C3orf49: variants seen among roughly 807,000 people sequenced by gnomAD.
C3orf49 encodes putative uncharacterized protein C3orf49.
Under a neutral mutation model 13.3 loss-of-function variants are expected in C3orf49, and 27 were observed. The observed-to-expected ratio is 2.02, with a 90% CI of 1.49 to 2.79. C3orf49 has a LOEUF of 2.79. Ranked by LOEUF, C3orf49 falls within the 30% of genes most tolerant of loss-of-function variation. The probability of loss-of-function intolerance (pLI) is 0.00; values close to 1 mark genes in which losing one functional copy is unlikely to be tolerated. For synonymous variants in C3orf49, 87 were observed against 47.6 expected, an observed-to-expected ratio of 1.83 and a Z score of -3.40; for missense variants, 242 against 134.2, an observed-to-expected ratio of 1.80 and a Z score of -3.97.
chr3:63,783,468 G>T, the C3orf49 span, among the ~76,000 whole-genome samples: 3 of 151,000 alleles, frequency 2.0e-5, no homozygotes, highest in Admixed American at 6.6e-5. Flanking sequence ...AGATCACAAG[G>T]TCAGGAGATT....
chr3:63,824,128 G>A (rs1701436580), intron 2 of C3orf49, among the ~76,000 whole-genome samples: 1 of 151,916 alleles, frequency 6.6e-6, no homozygotes, highest in South Asian at 2.1e-4. Context: ...GGATTGCCTT[G>A]GAGGTTCCTT....
At chr3:63,804,578 T>C in the C3orf49 span, among the ~76,000 whole-genome samples, 1 of 152,314 alleles carries the variant, frequency 6.6e-6, no homozygotes, top group East Asian at 1.9e-4. Flanking sequence ...GCTTTTCATG[T>C]AGCTCTTCCT....
the C3orf49 span, among the ~76,000 whole-genome samples, chr3:63,808,158 T>C: frequency 3.8e-3 from 586 of 152,288 alleles, 2 homozygotes; most frequent in African/African-American, 0.013. Context: ...TGTCACTCAA[T>C]TAGAAGCCTC....
At chr3:63,803,349 C>T in the C3orf49 span, among the ~76,000 whole-genome samples, 10 of 152,120 alleles carry the variant, frequency 6.6e-5, no homozygotes, top group Non-Finnish European at 7.4e-5. Flanking sequence ...CAATGATATG[C>T]GCAGATGTGG....
At chr3:63,797,943 A>G in the C3orf49 span, among the ~76,000 whole-genome samples, 1 of 152,174 alleles carries the variant, frequency 6.6e-6, no homozygotes, top group African/African-American at 2.4e-5. Flanking sequence ...ATGGAATTTC[A>G]TCTTTCACCT....
chr3:63,836,296 C>T, intron 5 of C3orf49: 1 of 1,611,894 alleles, frequency 6.2e-7, no homozygotes, highest in Non-Finnish European at 8.5e-7. Context: ...AAGCTCTACA[C>T]TTACTTTAAT....
At chr3:63,818,645 G>GT (rs1221745743), upstream of C3orf49, among the ~76,000 whole-genome samples, 1 of 152,204 alleles carries the variant, frequency 6.6e-6, no homozygotes, top group African/African-American at 2.4e-5. Context: ...TTCTAGAGGA[G>GT]TTTTTCTTGT....
intron 1 of C3orf49, among the ~76,000 whole-genome samples, chr3:63,822,274 C>T (rs1435568081): frequency 6.6e-6 from 1 of 152,144 alleles, no homozygotes; most frequent in African/African-American, 2.4e-5. Flanking sequence ...CGCGCCTGGC[C>T]CCCTCCCTGT....
chr3:63,819,286 C>T, upstream of C3orf49: 1 of 542,730 alleles, frequency 1.8e-6, no homozygotes, highest in Admixed American at 3.1e-5. Context: ...AGGGCCAGTC[C>T]CACAAATAAT....
At chr3:63,802,389 T>C in the C3orf49 span, among the ~76,000 whole-genome samples, 6 of 152,236 alleles carry the variant, frequency 3.9e-5, no homozygotes, top group Admixed American at 3.9e-4. Context: ...TGCTGGGATA[T>C]GCCAAACCCC....
chr3:63,823,766 T>TTGTGTGTGTGTGTG (rs55765936), intron 2 of C3orf49, among the ~76,000 whole-genome samples, 197 bp downstream of exon 2: 2 of 122,972 alleles, frequency 1.6e-5, no homozygotes, highest in Non-Finnish European at 3.4e-5. Flanking sequence ...GTTCATACCG[T>TTGTGTGTGTGTGTG]TGTGTGTGTG....
chr3:63,791,532 C>G, the C3orf49 span, among the ~76,000 whole-genome samples: 3 of 152,172 alleles, frequency 2.0e-5, no homozygotes, highest in African/African-American at 7.2e-5. Flanking sequence ...TCTGATGCCT[C>G]TGGTACCATC....
rs746650013 is a variant in C3orf49, at chr3:63,831,223, G to A, written c.684G>A (p.Gln228=). ...SDLTVGKLQM[Q]VDDLIETVTD... ...TGACAGTAGGAAAGCTTCAAATGCA[G>A]GTAGTGGACAAAGGCTTTTAACTTT... The change falls in exon 4 of 7, where the codon CAG becomes CAA. Residue 228 remains glutamine (Q), a splice_region_variant and synonymous_variant. Coordinates refer to ENST00000295896, the MANE Select transcript of C3orf49 (RefSeq NM_001355236.2). 7 of 701,456 alleles carry A rather than the reference G, an allele frequency of 1.0e-5. No individual in the cohort carries two copies. In the South Asian group the frequency reaches 1.0e-4, roughly 10 times the overall value. The allele number at this position is 701,456 out of a possible 1,614,324, so 43.5% of individuals were successfully genotyped here.
At chr3:63,802,498 G>A in the C3orf49 span, among the ~76,000 whole-genome samples, 6 of 152,170 alleles carry the variant, frequency 3.9e-5, no homozygotes, top group African/African-American at 1.4e-4. Flanking sequence ...TGCTTGTTAT[G>A]AAACTGCTGC....
the C3orf49 span, among the ~76,000 whole-genome samples, chr3:63,797,037 T>A: frequency 2.6e-5 from 4 of 152,152 alleles, no homozygotes; most frequent in African/African-American, 9.7e-5. Flanking sequence ...ATATCTAAGG[T>A]ATGGAATTTG....
chr3:63,809,206 T>G, the C3orf49 span, among the ~76,000 whole-genome samples: 2 of 152,234 alleles, frequency 1.3e-5, no homozygotes, highest in African/African-American at 4.8e-5. Flanking sequence ...TATTTTTTAT[T>G]TTTGCTCATT....
At chr3:63,837,760 A>T (rs1701663938) in intron 5 of C3orf49, among the ~76,000 whole-genome samples, 1 of 152,090 alleles carries the variant, frequency 6.6e-6, no homozygotes, top group South Asian at 2.1e-4. Flanking sequence ...GAAAAGAAAT[A>T]CTTGGATAAT....
intron 5 of C3orf49, among the ~76,000 whole-genome samples, chr3:63,835,754 C>T (rs187179147): frequency 9.2e-5 from 14 of 152,154 alleles, no homozygotes; most frequent in African/African-American, 2.6e-4. Context: ...TTGAATCTTA[C>T]GCCTAGTCCT....
the C3orf49 span, among the ~76,000 whole-genome samples, chr3:63,789,122 C>T: frequency 2.8e-4 from 43 of 152,296 alleles, 2 homozygotes; most frequent in South Asian, 8.5e-3. Flanking sequence ...GCATTACCAC[C>T]TGAGCTCTGC....
Sources: allele counts gnomAD v4.1 joint callset (sites outside exome capture counted in the v4.1 genomes callset), GRCh38; gene constraint gnomAD v4.1.1; transcripts MANE v1.5; gene names NCBI Gene and HGNC (gene_info 2026-07-23, HGNC 2026-07-21).